The following LARP7 variants were observed in gnomAD, a reference collection of about 807,000 sequenced individuals.
LARP7 encodes La ribonucleoprotein 7, transcriptional regulator, also known as la-related protein 7.
Under a neutral mutation model 69.3 loss-of-function variants are expected in LARP7, and 52 were observed. That is an observed-to-expected ratio of 0.75 (90% CI 0.60 to 0.95). The LOEUF (loss-of-function observed/expected upper bound fraction) is 0.95, where lower values mean the gene tolerates loss of function less well. Among genes scored for constraint, LARP7 ranks in the 40% least tolerant of loss-of-function variants. LARP7 has a pLI of 0.00. For synonymous variants in LARP7, 254 were observed against 215.9 expected (o/e 1.18, Z -1.55); for missense variants, 733 against 673.0 (o/e 1.09, Z -0.99).
chr4:112,649,690 A>G lies in LARP7; in HGVS notation c.1294+4A>G. ...ACTGGAATGAAAAATGAAAAAAGTAAAGATCACTGATAGTTTTGACAACAT... is the reference window on the plus strand; with the variant it reads ...ACTGGAATGAAAAATGAAAAAAGTAGAGATCACTGATAGTTTTGACAACAT... On this transcript the variant is annotated splice_donor_region_variant and intron_variant, in intron 9 of 12. Coordinates refer to ENST00000344442, the MANE Select transcript of LARP7 (RefSeq NM_016648.4). The G allele has an allele frequency of 1.9e-6, 3 of 1,580,742 alleles. No homozygotes were observed. The highest frequency in any genetic ancestry group is 2.6e-6 in the Non-Finnish European group (3 of 1,162,944).
chr4:112,645,353 G>GTAA (rs2048139900), intron 2 of LARP7, among the ~76,000 whole-genome samples: 1 of 152,070 alleles, frequency 6.6e-6, no homozygotes, highest in Non-Finnish European at 1.5e-5. Flanking sequence ...AAGACTGTTG[G>GTAA]TAACAGTTTA....
rs201841958 is a variant in LARP7, at chr4:112,644,853, G to C, written c.184G>C (p.Glu62Gln). ...HKDRFLREQI[E>Q]KSRDGYVDIS... ...GGATAGATTTCTTCGAGAACAGATA[G>C]AAAAATCTAGAGATGGATGTAAGTT... The change falls in exon 2 of 13, where the codon GAA becomes CAA. Residue 62 changes from glutamate to glutamine, a missense_variant. Physicochemically the swap from Glu to Gln is conservative, Grantham distance 29. Coordinates refer to ENST00000344442, the MANE Select transcript of LARP7 (RefSeq NM_016648.4). 44 of 1,577,768 alleles carry C rather than the reference G, an allele frequency of 2.8e-5. No individual in the cohort carries two copies. The highest frequency in any genetic ancestry group is 4.1e-5 in the African/African-American group (3 of 73,662).
chr4:112,652,304 C>T (rs975445832), intron 10 of LARP7, among the ~76,000 whole-genome samples: 43 of 141,830 alleles, frequency 3.0e-4, no homozygotes, highest in Non-Finnish European at 2.3e-4. Flanking sequence ...CCCCCCCCCC[C>T]CCATTTAGCA....
Position 112,647,234 on chromosome 4 carries a change from A to G in LARP7, c.682A>G (p.Met228Val). The change falls in exon 7 of 13, where the codon ATG becomes GTG. Residue 228 changes from methionine (M) to valine (V), a missense_variant. Transcript: ENST00000344442. ...KKKKKKKKGR[M>V]KKEDNIQAKE... ...AAAGAAAAAGAAGAAGAAAGGCCGA[A>G]TGAAAAAGGAAGACAATATCCAAGC... 1 of 1,597,586 alleles carries G rather than the reference A, an allele frequency of 6.3e-7. No homozygotes were observed. The highest frequency in any genetic ancestry group is 1.4e-5 in the African/African-American group (1 of 73,528).
At position 112,654,229 on chromosome 4, in the gene LARP7, G is replaced by A; in HGVS notation, c.1668+70G>A. The stretch of plus-strand genomic sequence containing the variant: ...CGTTTAATGCCAAAGTCAGTACTAG[G>A]TAGTCATAAAATGATCGTAGTTTTG... On this transcript the variant is annotated intron_variant, in intron 12 of 12. Coordinates refer to ENST00000344442, the MANE Select transcript of LARP7 (RefSeq NM_016648.4). 2.8e-6 allele frequency: 3 copies of A among 1,064,166 alleles called. No individual in the cohort carries two copies. The South Asian group carries it at 3.9e-5, about 14-fold the overall frequency. The allele number at this position is 1,064,166 out of a possible 1,614,324, so 65.9% of individuals were successfully genotyped here.
chr4:112,657,170 TTGTGTGTG>T (rs35719274), intron 12 of LARP7, 69 bp from the exon 13 acceptor site: 19 of 517,024 alleles, frequency 3.7e-5, no homozygotes, highest in East Asian at 1.9e-4. Context: ...AGTCATAGTT[TTGTGTGTG>T]TGTGTGTGTG....
At chr4:112,643,399 T>C (rs1455345765) in intron 1 of LARP7, among the ~76,000 whole-genome samples, 1 of 152,138 alleles carries the variant, frequency 6.6e-6, no homozygotes, top group East Asian at 1.9e-4. Flanking sequence ...AAAGACCCCG[T>C]TAGACATTGC....
In LARP7 at chr4:112,649,553, G is replaced by GA. The variant is rs1386408458; in HGVS notation, c.1167dup (p.Glu390ArgfsTer9). The stretch of plus-strand genomic sequence containing the variant: ...CTTGTAGGAGCGAATGGATGGATTT[G>GA]AAAAAAGAGTATTTAGCGCTACAAA... On this transcript the variant is annotated frameshift_variant, in exon 9 of 13. Transcript: ENST00000344442. LOFTEE classifies it high-confidence loss of function. The GA allele has an allele frequency of 6.3e-7, 1 of 1,599,788 alleles. No homozygotes were observed. The highest frequency in any genetic ancestry group is 1.7e-5 in the Admixed American group (1 of 57,428).
chr4:112,649,632 G>C lies in LARP7; in HGVS notation c.1240G>C (p.Glu414Gln), dbSNP rs1287998981. Residue 414 changes from glutamate to glutamine, a missense_variant, in exon 9 of 13, where the codon GAA (glutamate) becomes CAA (glutamine). Glu to Gln is a conservative substitution (Grantham distance 29). Coordinates refer to ENST00000344442, the MANE Select transcript of LARP7 (RefSeq NM_016648.4). ...KTISQIKSES[E>Q]METDSGVPQN... ...AATATCCCAAATAAAATCAGAGTCA[G>C]AAATGGAAACAGACAGTGGAGTACC... 6.2e-7 allele frequency: 1 copy of C among 1,608,980 alleles called. No individual in the cohort carries two copies. Among genetic ancestry groups the C allele is most frequent in the Non-Finnish European group, 8.5e-7 (1 of 1,177,596 alleles).
Position 112,647,108 on chromosome 4 carries a change from T to A in LARP7, c.627T>A (p.Ile209=), listed in dbSNP as rs757505461. The change falls in exon 6 of 13, where the codon ATT becomes ATA. Residue 209 remains isoleucine, a synonymous_variant. Coordinates refer to ENST00000344442, the MANE Select transcript of LARP7 (RefSeq NM_016648.4). ...CTAAAACAGTGAAAAATAAGCCCAT[T>A]CCAGCCTTAAGAGTTGTGGGTGAGT... ...IFPKTVKNKP[I]PALRVVEEKK... is the part of the protein sequence containing the mutation. 57 of 1,610,224 alleles carry A rather than the reference T, an allele frequency of 3.5e-5. No individual in the cohort carries two copies. Among genetic ancestry groups the A allele is most frequent in the Non-Finnish European group, 4.6e-5 (54 of 1,179,196 alleles).
In LARP7 at chr4:112,644,833, G is replaced by T. The variant is rs2048101556; in HGVS notation, c.164G>T (p.Arg55Ile). ...GGGGATGCAAATCTTCACAAGGATA[G>T]ATTTCTTCGAGAACAGATAGAAAAA... ...WFGDANLHKD[R>I]FLREQIEKSR... The change falls in exon 2 of 13, where the codon AGA (arginine) becomes ATA (isoleucine). Residue 55 changes from arginine to isoleucine, a missense_variant. Arg to Ile is a moderately conservative substitution (Grantham distance 97, BLOSUM62 -3). Transcript: ENST00000344442. The T allele has an allele frequency of 6.2e-7, 1 of 1,602,620 alleles. No homozygotes were observed. Among genetic ancestry groups the T allele is most frequent in the African/African-American group, 1.3e-5 (1 of 74,558 alleles).
chr4:112,648,646 T>C (rs1412104333), intron 8 of LARP7: 1 of 419,708 alleles, frequency 2.4e-6, no homozygotes, highest in Non-Finnish European at 5.0e-6. Context: ...AGAAAAAAAT[T>C]TTTTTACCTT....
intron 1 of LARP7, chr4:112,644,408 T>G (rs986366185): frequency 3.2e-6 from 3 of 946,242 alleles, no homozygotes; most frequent in Non-Finnish European, 4.2e-6. Context: ...AAGGTGTAAT[T>G]TTTTATATTA....
chr4:112,657,577 T>G lies in LARP7; in HGVS notation c.*250T>G. On this transcript the variant is annotated 3_prime_UTR_variant, in exon 13 of 13. Transcript: ENST00000344442. ...AGGTGATTTAGTAAATAAATGTGTT[T>G]TGAACATTATTTGGAAATGTGTTGA... 1 of 243,762 alleles carries G rather than the reference T, an allele frequency of 4.1e-6. No individual in the cohort carries two copies. Among genetic ancestry groups the G allele is most frequent in the Non-Finnish European group, 7.8e-6 (1 of 128,234 alleles). The allele number at this position is 243,762 out of a possible 1,614,324, so 15.1% of individuals were successfully genotyped here. A position where few individuals can be genotyped will look rare whatever the true frequency, so the allele number is the denominator to read the frequency against.
rs1578583811 is a variant in LARP7, at chr4:112,646,660, A to G, written c.376A>G (p.Thr126Ala). The G allele has an allele frequency of 6.2e-7, 1 of 1,605,538 alleles. No homozygotes were observed. Among genetic ancestry groups the G allele is most frequent in the East Asian group, 2.2e-5 (1 of 44,682 alleles). ...GERPKDEDER[T>A]VYVELLPKNV... ...AAGACCAAAGGATGAGGATGAACGC[A>G]CAGTGTATGTGGTAAGCTTAAGAAC... The change falls in exon 4 of 13, where the codon ACA becomes GCA. Residue 126 changes from threonine (T) to alanine (A), a missense_variant. Thr to Ala is a moderately conservative substitution (Grantham distance 58). Coordinates refer to ENST00000344442, the MANE Select transcript of LARP7 (RefSeq NM_016648.4).
chr4:112,648,638 A>C, intron 8 of LARP7: 1 of 422,426 alleles, frequency 2.4e-6, no homozygotes, highest in South Asian at 1.7e-5. Context: ...ACTTTAGAAG[A>C]AAAAAATTTT....
Position 112,657,272 on chromosome 4 carries a change from G to C in LARP7, c.1694G>C (p.Arg565Thr). The C allele has an allele frequency of 6.3e-7, 1 of 1,582,160 alleles. No homozygotes were observed. Among genetic ancestry groups the C allele is most frequent in the Non-Finnish European group, 8.6e-7 (1 of 1,164,428 alleles). ...TTAATCACCAAAGCTGAAAAGATTA[G>C]ACTGGCAAAGACTCAACAAGCGAGT... is the stretch of plus-strand genomic sequence containing the variant. Reference protein sequence around the residue: ...EKLITKAEKIRLAKTQQASKH... With the variant: ...EKLITKAEKITLAKTQQASKH... The change falls in exon 13 of 13, where the codon AGA becomes ACA. Residue 565 changes from arginine to threonine, a missense_variant. Coordinates refer to ENST00000344442, the MANE Select transcript of LARP7 (RefSeq NM_016648.4).
At chr4:112,654,288 T>C in intron 12 of LARP7, 129 bp downstream of exon 12, 1 of 573,560 alleles carries the variant, frequency 1.7e-6, no homozygotes, top group South Asian at 2.5e-5. Flanking sequence ...GAGTATATAC[T>C]ATGTTTTAGG....
At chr4:112,645,754 T>A (rs1228568091) in intron 2 of LARP7, 5 of 368,344 alleles carry the variant, frequency 1.4e-5, no homozygotes, top group Non-Finnish European at 2.7e-5. Flanking sequence ...GCTCCTGAGC[T>A]CAAGAGATTT....
Sources: allele counts gnomAD v4.1 joint callset (sites outside exome capture counted in the v4.1 genomes callset), GRCh38; gene constraint gnomAD v4.1.1; transcripts MANE v1.5; gene names NCBI Gene and HGNC (gene_info 2026-07-23, HGNC 2026-07-21).